The following DLGAP2 variants were observed in gnomAD, a reference collection of about 807,000 sequenced individuals.
DLGAP2 encodes disks large-associated protein 2.
Under a neutral mutation model 100.3 loss-of-function variants are expected in DLGAP2, and 26 were observed. That is an observed-to-expected ratio of 0.26 (90% CI 0.19 to 0.36). The LOEUF is 0.36. DLGAP2 is among the 10% of genes least tolerant of loss of function. The pLI is 1.00. For synonymous variants in DLGAP2, 886 were observed against 630.1 expected (o/e 1.41, Z -6.08); for missense variants, 1,858 against 1,453.2 (o/e 1.28, Z -4.53).
intron 10 of DLGAP2, among the ~76,000 whole-genome samples, chr8:1,674,480 A>G (rs545495647): frequency 6.6e-6 from 1 of 152,334 alleles, no homozygotes; most frequent in East Asian, 1.9e-4. Flanking sequence ...CACCTCACAC[A>G]CTGGTCAGAA....
chr8:1,699,167 C>T (rs191598971), intron 14 of DLGAP2, among the ~76,000 whole-genome samples: 84 of 152,326 alleles, frequency 5.5e-4, no homozygotes, highest in African/African-American at 1.8e-3. Flanking sequence ...TCATTGAGAG[C>T]AAACGTGAGC....
At chr8:1,258,926 G>T in intron 3 of DLGAP2, 43 bp downstream of exon 3, 5 of 1,230,380 alleles carry the variant, frequency 4.1e-6, no homozygotes, top group South Asian at 4.1e-5. Flanking sequence ...GGGGCCGCGC[G>T]GCTCACAGGT....
At chr8:1,679,979 CAAA>C (rs760100523) in intron 12 of DLGAP2, among the ~76,000 whole-genome samples, 3 of 63,516 alleles carry the variant, frequency 4.7e-5, no homozygotes, top group Admixed American at 2.0e-4. Flanking sequence ...GACTCTGTCT[CAAA>C]AAAAAAAAAA....
chr8:1,624,944 T>C (rs1247400963), intron 6 of DLGAP2, among the ~76,000 whole-genome samples: 1 of 152,194 alleles, frequency 6.6e-6, no homozygotes, highest in African/African-American at 2.4e-5. Flanking sequence ...CTATATGTTA[T>C]ACATTTTCTT....
chr8:1,175,591 T>C (rs754413572), intron 2 of DLGAP2, among the ~76,000 whole-genome samples: 3 of 152,196 alleles, frequency 2.0e-5, no homozygotes, highest in Non-Finnish European at 2.9e-5. Context: ...AGTAGGAACA[T>C]GACTAAATGC....
intron 2 of DLGAP2, among the ~76,000 whole-genome samples, chr8:1,179,474 G>T (rs528596082): frequency 2.0e-5 from 3 of 152,346 alleles, no homozygotes; most frequent in Non-Finnish European, 2.9e-5. Context: ...TCCCCAGCAG[G>T]CTCTGCAAGA....
chr8:921,334 T>A (rs563799831), intron 2 of DLGAP2, among the ~76,000 whole-genome samples: 1 of 152,270 alleles, frequency 6.6e-6, no homozygotes, highest in East Asian at 1.9e-4. Context: ...TGCGTGTCTA[T>A]GGCCATTTCT....
Position 1,708,408 on chromosome 8 carries a change from T to A in DLGAP2, c.*7002T>A, listed in dbSNP as rs1799762016. The A allele has an allele frequency of 6.6e-6, 1 of 152,216 alleles. No homozygotes were observed. The highest frequency in any genetic ancestry group is 2.4e-5 in the African/African-American group (1 of 41,442). 9.4% of individuals were successfully genotyped at this position (152,216 alleles called of 1,614,324 possible). A position where few individuals can be genotyped will look rare whatever the true frequency, so the allele number is the denominator to read the frequency against. On this transcript the variant is annotated 3_prime_UTR_variant, in exon 15 of 15. Transcript: ENST00000637795. ...ATGGACATTTATTAAGGTTACAGAT[T>A]TAATATGTATGCAAAATGGTATAGA... is the stretch of plus-strand genomic sequence containing the variant.
At chr8:773,276 C>G (rs932942686) in intron 1 of DLGAP2, among the ~76,000 whole-genome samples, 2 of 151,322 alleles carry the variant, frequency 1.3e-5, no homozygotes, top group East Asian at 1.9e-4. Context: ...GGCACTAATC[C>G]TATTGGATCA....
At chr8:1,414,558 G>A (rs970107524) in intron 3 of DLGAP2, among the ~76,000 whole-genome samples, 4 of 152,226 alleles carry the variant, frequency 2.6e-5, no homozygotes, top group African/African-American at 9.6e-5. Context: ...GGGTCCCAGT[G>A]CAGAGTCCAC....
In DLGAP2 at chr8:1,112,642, A is replaced by G. The variant is rs1276524854; in HGVS notation, c.74-146209A>G. ...ACCTTTGTCAGATGCGTAGTTTGCA[A>G]ATATTTTCTCCCATTCTAGTAGTTT... On this transcript the variant is annotated intron_variant, in intron 2 of 14. Transcript: ENST00000637795. Among the ~76,000 whole-genome samples the G allele has an allele frequency of 1.3e-5, 2 of 152,192 alleles. 1 individual carries two copies. The highest frequency in any genetic ancestry group is 1.3e-4 in the Admixed American group (2 of 15,280).
rs78304806 is a variant in DLGAP2 at position 1,287,081 on chromosome 8, C to A, written c.106+28198C>A. Reference sequence around the variant, plus strand: ...ATGGTTCTATTAGGGGAACTGGTTTCGGTTCAGTATGTGTGTGCATGGTTA... The same window carrying A: ...ATGGTTCTATTAGGGGAACTGGTTTAGGTTCAGTATGTGTGTGCATGGTTA... On this transcript the variant is annotated intron_variant, in intron 3 of 14. Transcript: ENST00000637795. Among the ~76,000 whole-genome samples, 35 of 151,696 alleles carry A rather than the reference C, an allele frequency of 2.3e-4. No individual in the cohort carries two copies. The East Asian group carries it at 6.2e-3, about 27-fold the overall frequency.
chr8:1,246,902 C>CCGGG (rs1481439593), intron 2 of DLGAP2: 2 of 65,884 alleles, frequency 3.0e-5, no homozygotes, highest in African/African-American at 7.5e-5. Flanking sequence ...TGGTGTCCAG[C>CCGGG]AAGACCTTTG....
In DLGAP2 at chr8:1,471,362, C is replaced by T. The variant is rs183907584; in HGVS notation, c.107-30004C>T. ...CTTTCCCGACCCCTCCAGCTTTTCC[C>T]GACCCCTCCAGCCTTTCCCGCCAGC... On this transcript the variant is annotated intron_variant, in intron 3 of 14. Transcript: ENST00000637795. Among the ~76,000 whole-genome samples the T allele has an allele frequency of 1.1e-3, 130 of 122,744 alleles. 4 individuals carry two copies. Among genetic ancestry groups the T allele is most frequent in the African/African-American group, 3.7e-3 (109 of 29,522 alleles). 80.5% of individuals were successfully genotyped at this position (122,744 alleles called of 152,430 possible). A position where few individuals can be genotyped will look rare whatever the true frequency, so the allele number is the denominator to read the frequency against.
intron 5 of DLGAP2, among the ~76,000 whole-genome samples, chr8:1,556,638 C>G (rs1162481477): frequency 6.6e-6 from 1 of 152,176 alleles, no homozygotes; most frequent in African/African-American, 2.4e-5. Flanking sequence ...GGAGCTCAGG[C>G]CGGTGAACTG....
chr8:1,550,550 C>A (rs989964832), intron 5 of DLGAP2, among the ~76,000 whole-genome samples: 1 of 152,128 alleles, frequency 6.6e-6, no homozygotes, highest in Non-Finnish European at 1.5e-5. Flanking sequence ...CTGCGACATT[C>A]GTGAGTTCAC....
chr8:1,547,849 C>T (rs1455172835), intron 4 of DLGAP2, among the ~76,000 whole-genome samples: 2 of 152,220 alleles, frequency 1.3e-5, no homozygotes, highest in East Asian at 3.8e-4. Context: ...AAGCTCCTCC[C>T]ATCCTCACTG....
At chr8:1,129,252 A>C (rs1449075102) in intron 2 of DLGAP2, among the ~76,000 whole-genome samples, 1 of 152,046 alleles carries the variant, frequency 6.6e-6, no homozygotes, top group Non-Finnish European at 1.5e-5. Flanking sequence ...AAATATAAAA[A>C]ATTAGCCAGG....
chr8:775,389 G>T (rs1821488716), intron 1 of DLGAP2, among the ~76,000 whole-genome samples: 1 of 149,168 alleles, frequency 6.7e-6, no homozygotes, highest in Non-Finnish European at 1.5e-5. Flanking sequence ...ACACTGTGTT[G>T]AATAGGAGTG....
Sources: gnomAD v4.1 joint callset for allele counts (sites outside exome capture counted in the v4.1 genomes callset) on GRCh38, gnomAD v4.1.1 for gene constraint, MANE v1.5 for transcripts, NCBI Gene and HGNC (gene_info 2026-07-23, HGNC 2026-07-21) for gene names.